Variants in SETD2 observed in about 807,000 individuals in gnomAD.
SETD2 encodes SET domain containing 2, histone lysine methyltransferase, also known as histone-lysine N-methyltransferase SETD2.
A neutral mutation model predicts 242.1 loss-of-function variants in SETD2; 31 were observed. The observed-to-expected ratio is 0.13, with a 90% CI of 0.10 to 0.17. The LOEUF is 0.17. Among genes scored for constraint, SETD2 ranks in the 10% least tolerant of loss-of-function variants. The pLI is 1.00. For missense variants in SETD2, 2,481 were observed against 3,046.3 expected, an observed-to-expected ratio of 0.81 and a Z score of 4.37; for synonymous variants, 1,006 against 1,066.5, an observed-to-expected ratio of 0.94 and a Z score of 1.11.
intron 15 of SETD2, among the ~76,000 whole-genome samples, chr3:47,048,644 A>T (rs1388084856): frequency 6.6e-6 from 1 of 152,088 alleles, no homozygotes; most frequent in Non-Finnish European, 1.5e-5. Context: ...ACTCTTTTAT[A>T]ACACTTATCT....
At chr3:47,019,251 C>A (rs1346174299) in intron 19 of SETD2, among the ~76,000 whole-genome samples, 1 of 152,220 alleles carries the variant, frequency 6.6e-6, no homozygotes, top group Non-Finnish European at 1.5e-5. Context: ...GAGTTCAAAT[C>A]TTTTGTCTAG....
In SETD2 at chr3:47,124,487, G is replaced by C. The variant is rs2043246649; in HGVS notation, c.149C>G (p.Ala50Gly). Residue 50 changes from alanine (A) to glycine (G), a missense_variant, in exon 3 of 21, where the codon GCT becomes GGT. Physicochemically the swap from Ala to Gly is moderately conservative, Grantham distance 60 (BLOSUM62 0). Around this residue, in one of 17 missense-constraint regions of SETD2, gnomAD observed 334 missense variants for 374.5 expected, o/e 0.89. Transcript: ENST00000409792. Reference sequence around the variant, plus strand: ...GCCTTTGGGCAAAAATCGACTAGAAGCAACACCTTTGAACATTGGTCCTTT... The same window carrying C: ...GCCTTTGGGCAAAAATCGACTAGAACCAACACCTTTGAACATTGGTCCTTT... ...FIKGPMFKGV[A>G]SSRFLPKGTK... 6.4e-7 allele frequency: 1 copy of C among 1,551,742 alleles called. No homozygotes were observed. The highest frequency in any genetic ancestry group is 8.7e-7 in the Non-Finnish European group (1 of 1,146,976).
At chr3:47,080,077 A>C (rs932893249) in intron 12 of SETD2, among the ~76,000 whole-genome samples, 5 of 152,238 alleles carry the variant, frequency 3.3e-5, no homozygotes, top group African/African-American at 1.2e-4. Context: ...ATACAATATT[A>C]GCGAGGGAGT....
At chr3:47,059,250 G>A (rs1305978397) in intron 14 of SETD2, among the ~76,000 whole-genome samples, 1 of 150,552 alleles carries the variant, frequency 6.6e-6, no homozygotes, top group East Asian at 1.9e-4. Context: ...CCCAGTAACT[G>A]GGATTACAGG....
chr3:47,111,386 G>A (rs924444829), intron 5 of SETD2, among the ~76,000 whole-genome samples: 2 of 151,892 alleles, frequency 1.3e-5, no homozygotes, highest in Non-Finnish European at 2.9e-5. Context: ...GCAACATAGT[G>A]AGGACCCCAT....
At chr3:47,155,164 T>C (rs1009084788) in intron 1 of SETD2, among the ~76,000 whole-genome samples, 3 of 151,878 alleles carry the variant, frequency 2.0e-5, no homozygotes, top group Non-Finnish European at 4.4e-5. Context: ...TAATACTAGA[T>C]TGAAAAAAAA....
chr3:47,110,686 A>G (rs1279292139), intron 5 of SETD2, among the ~76,000 whole-genome samples: 3 of 152,210 alleles, frequency 2.0e-5, no homozygotes, highest in African/African-American at 7.2e-5. Flanking sequence ...AGTTTTGACT[A>G]GTTTATGAAA....
At chr3:47,098,370 T>A in intron 8 of SETD2, 1 of 230,516 alleles carries the variant, frequency 4.3e-6, no homozygotes, top group East Asian at 9.5e-5. Context: ...TAAGAGATCA[T>A]ATACATGTTT....
chr3:47,087,338 G>A (rs1191140816), intron 10 of SETD2, among the ~76,000 whole-genome samples: 1 of 152,142 alleles, frequency 6.6e-6, no homozygotes, highest in African/African-American at 2.4e-5. Context: ...TCAACAAACT[G>A]GGTGGGGGAT....
chr3:47,050,721 C>CTTTT (rs1207924691), intron 15 of SETD2, among the ~76,000 whole-genome samples: 1 of 70,376 alleles, frequency 1.4e-5, no homozygotes, highest in East Asian at 4.3e-4. Context: ...CATTTCCTCT[C>CTTTT]TCTTTTTTTT....
intron 18 of SETD2, among the ~76,000 whole-genome samples, chr3:47,026,449 A>C (rs191899872): frequency 6.6e-6 from 1 of 152,362 alleles, no homozygotes; most frequent in Admixed American, 6.5e-5. Context: ...CAATCCCATT[A>C]CTGGGTATAT....
At chr3:47,022,894 T>C (rs370526515) in intron 18 of SETD2, among the ~76,000 whole-genome samples, 1 of 152,230 alleles carries the variant, frequency 6.6e-6, no homozygotes, top group African/African-American at 2.4e-5. Context: ...TAGTTGGCAA[T>C]GGCCTTAAGC....
chr3:47,132,379 T>C (rs1168950917), intron 1 of SETD2, among the ~76,000 whole-genome samples: 1 of 151,944 alleles, frequency 6.6e-6, no homozygotes, highest in East Asian at 1.9e-4. Context: ...CGCAGCTACT[T>C]GGGAGGCTGA....
intron 1 of SETD2, among the ~76,000 whole-genome samples, chr3:47,138,461 G>A (rs1300291621): frequency 6.6e-6 from 1 of 151,924 alleles, no homozygotes; most frequent in Non-Finnish European, 1.5e-5. Context: ...CACTCTTGTT[G>A]CCCAGGCTGA....
intron 1 of SETD2, among the ~76,000 whole-genome samples, chr3:47,153,011 AACCATTAGCTTG>A (rs1425302583): frequency 6.6e-6 from 1 of 152,210 alleles, no homozygotes; most frequent in Non-Finnish European, 1.5e-5. Context: ...AGACTGAAGT[AACCATTAGCTTG>A]ACCAAAAACA....
In SETD2 at chr3:47,088,188, C is replaced by G. The variant is rs141847082; in HGVS notation, c.5202G>C (p.Gln1734His). Residue 1734 changes from glutamine to histidine, a missense_variant, in exon 10 of 21, where the codon CAG (glutamine) becomes CAC (histidine). This residue lies in a region of SETD2 where 62 missense variants were observed against 136.7 expected (regional missense o/e 0.45). Coordinates refer to ENST00000409792, the MANE Select transcript of SETD2 (RefSeq NM_014159.7). The stretch of plus-strand genomic sequence containing the variant: ...CCATTAGCCGGGATAAGCTGAGCAC[C>G]TGGTTTTTATCAGAGAGACCCTCAC... ...ENGEGLSDKNQVLSLSRLMVR... is the reference protein window; with the variant it reads ...ENGEGLSDKNHVLSLSRLMVR... 5.1e-5 allele frequency: 83 copies of G among 1,613,858 alleles called. No homozygotes were observed. The highest frequency in any genetic ancestry group is 6.9e-5 in the Non-Finnish European group (81 of 1,179,932).
intron 3 of SETD2, among the ~76,000 whole-genome samples, chr3:47,118,120 A>G (rs1266928563): frequency 8.5e-5 from 13 of 152,228 alleles, no homozygotes; most frequent in Admixed American, 2.6e-4. Context: ...AGTTTAGGTG[A>G]AAAGAATGAT....
chr3:47,132,236 G>C (rs925579693), intron 1 of SETD2, among the ~76,000 whole-genome samples: 3 of 149,050 alleles, frequency 2.0e-5, no homozygotes, highest in African/African-American at 5.0e-5. Flanking sequence ...AAACTCAAGT[G>C]ATTTTTCTGC....
rs2106692368 is a variant in SETD2, at chr3:47,122,984, C to G, written c.1652G>C (p.Ser551Thr). 2 of 1,613,834 alleles carry G rather than the reference C, an allele frequency of 1.2e-6. No individual in the cohort carries two copies. Among genetic ancestry groups the G allele is most frequent in the Non-Finnish European group, 1.7e-6 (2 of 1,179,712 alleles). Residue 551 changes from serine to threonine, a missense_variant, in exon 3 of 21, where the codon AGT (serine) becomes ACT (threonine). Ser to Thr is a moderately conservative substitution (Grantham distance 58, BLOSUM62 1). Coordinates refer to ENST00000409792, the MANE Select transcript of SETD2 (RefSeq NM_014159.7). ...RGSSYSKHDS[S>T]ASRYKSTLSK... ...AAGGGTAGATTTATAACGGGAAGCA[C>G]TACTGTCATGCTTAGAATATGATGA...
Sources: allele counts gnomAD v4.1 joint callset (sites outside exome capture counted in the v4.1 genomes callset), GRCh38; gene constraint gnomAD v4.1.1; regional missense constraint gnomAD v4.1.1; transcripts MANE v1.5; gene names NCBI Gene and HGNC (gene_info 2026-07-23, HGNC 2026-07-21).